ROR1: variants seen among roughly 807,000 people sequenced by gnomAD.
The protein encoded by ROR1 is ROR family WNT receptor 1.
In ROR1, 19 loss-of-function variants were observed where a neutral mutation model predicts 78.8. That is an observed-to-expected ratio of 0.24 (90% CI 0.17 to 0.35). The LOEUF (loss-of-function observed/expected upper bound fraction) is 0.35. ROR1 is among the 10% of genes least tolerant of loss of function. The pLI is 1.00. For synonymous variants in ROR1, 386 were observed against 433.6 expected (o/e 0.89, Z 1.36); for missense variants, 917 against 1,177.8 (o/e 0.78, Z 3.24).
intron 1 of ROR1, among the ~76,000 whole-genome samples, chr1:63,857,189 A>G (rs1027992016): frequency 6.6e-6 from 1 of 151,312 alleles, no homozygotes; most frequent in Non-Finnish European, 1.5e-5. Flanking sequence ...ATGAGATTAG[A>G]TATGCATCTT....
chr1:63,853,959 T>A (rs1398733570), intron 1 of ROR1, among the ~76,000 whole-genome samples: 2 of 152,130 alleles, frequency 1.3e-5, no homozygotes, highest in African/African-American at 4.8e-5. Flanking sequence ...ACTAGGATGA[T>A]GGGAATTTTA....
intron 1 of ROR1, among the ~76,000 whole-genome samples, chr1:63,806,219 A>G (rs1228628787): frequency 6.6e-6 from 1 of 151,990 alleles, no homozygotes. Context: ...CTTGTTACAT[A>G]GCCTGGTCAA....
chr1:64,114,203 C>G (rs994495982), intron 4 of ROR1, among the ~76,000 whole-genome samples: 15 of 152,128 alleles, frequency 9.9e-5, no homozygotes, highest in Non-Finnish European at 1.8e-4. Flanking sequence ...AATTGCTGCC[C>G]TCTTAGAGCT....
chr1:63,843,525 ATCT>A (rs1405653145), intron 1 of ROR1: 1 of 754,172 alleles, frequency 1.3e-6, no homozygotes, highest in Non-Finnish European at 2.4e-6. Context: ...GCCCACCAGG[ATCT>A]TCTTGGTCTC....
intron 1 of ROR1, among the ~76,000 whole-genome samples, chr1:63,785,696 T>C (rs1644680237): frequency 6.6e-6 from 1 of 151,428 alleles, no homozygotes; most frequent in African/African-American, 2.4e-5. Flanking sequence ...CGGCTAATTT[T>C]TGTATTTTTA....
intron 6 of ROR1, among the ~76,000 whole-genome samples, chr1:64,140,646 CA>C (rs933338248): frequency 2.0e-5 from 3 of 152,158 alleles, no homozygotes; most frequent in African/African-American, 7.2e-5. Context: ...GCTGGTTTCT[CA>C]ATAACTTAAA....
At chr1:63,900,748 G>A (rs1293549079) in intron 1 of ROR1, among the ~76,000 whole-genome samples, 2 of 151,766 alleles carry the variant, frequency 1.3e-5, no homozygotes, top group Admixed American at 6.6e-5. Context: ...TTTTCTATTC[G>A]TATGCATTAT....
intron 1 of ROR1, among the ~76,000 whole-genome samples, chr1:63,815,721 T>C (rs895057657): frequency 9.2e-5 from 14 of 152,102 alleles, no homozygotes; most frequent in African/African-American, 3.4e-4. Context: ...TTTCTAATTG[T>C]GTGGGTGAAT....
chr1:64,020,792 C>T lies in ROR1; in HGVS notation c.163+11416C>T, dbSNP rs377234782. The stretch of plus-strand genomic sequence containing the variant: ...AGGCAGTAAAGAATTCAGCAGACGG[C>T]GAGCTCTGCAACCCGTTGCAGACAT... On this transcript the variant is annotated intron_variant, in intron 2 of 8. Transcript: ENST00000371079. 2.6e-4 allele frequency among the ~76,000 whole-genome samples: 39 copies of T among 152,216 alleles called. 2 individuals are homozygous for T. Among genetic ancestry groups the T allele is most frequent in the Admixed American group, 1.2e-3 (18 of 15,274 alleles).
chr1:64,155,220 G>A (rs1285691648), intron 7 of ROR1, among the ~76,000 whole-genome samples: 1 of 152,124 alleles, frequency 6.6e-6, no homozygotes, highest in Non-Finnish European at 1.5e-5. Flanking sequence ...ACAAATGCTC[G>A]GACTTCAAAA....
At chr1:64,086,401 C>T (rs892879410) in intron 4 of ROR1, among the ~76,000 whole-genome samples, 1 of 152,156 alleles carries the variant, frequency 6.6e-6, no homozygotes, top group Non-Finnish European at 1.5e-5. Flanking sequence ...AGTTATTGGC[C>T]ATGCACTAAG....
chr1:63,894,065 T>C (rs1645421061), intron 1 of ROR1, among the ~76,000 whole-genome samples: 1 of 152,130 alleles, frequency 6.6e-6, no homozygotes, highest in African/African-American at 2.4e-5. Context: ...GGACTCTTAG[T>C]AAGTAAAATT....
chr1:63,774,379 C>A lies in ROR1; in HGVS notation c.-39C>A. ...AGCCCGTGGATGTTCTGCGCGCGGC[C>A]TGGGAGCCGCCGCCGCCGCCGCCTC... is the stretch of plus-strand genomic sequence containing the variant. On this transcript the variant is annotated 5_prime_UTR_variant, in exon 1 of 9. In the 5' UTR this introduces an upstream ATG that the reference lacks. Coordinates refer to ENST00000371079, the MANE Select transcript of ROR1 (RefSeq NM_005012.4). The surrounding 1 kb of genome is among the most constrained non-coding windows in gnomAD (Gnocchi z 5.7). 2 of 1,230,430 alleles carry A rather than the reference C, an allele frequency of 1.6e-6. No homozygotes were observed. Among genetic ancestry groups the A allele is most frequent in the South Asian group, 1.9e-5 (1 of 51,718 alleles). 76.2% of individuals were successfully genotyped at this position (1,230,430 alleles called of 1,614,324 possible).
chr1:64,063,992 C>T (rs550229811), intron 4 of ROR1, among the ~76,000 whole-genome samples: 9 of 152,184 alleles, frequency 5.9e-5, no homozygotes, highest in African/African-American at 2.2e-4. Context: ...ATTGTAGACA[C>T]CAAAGGAGTT....
chr1:63,968,169 T>A (rs1003873739), intron 1 of ROR1, among the ~76,000 whole-genome samples: 4 of 152,322 alleles, frequency 2.6e-5, no homozygotes, highest in Non-Finnish European at 4.4e-5. Context: ...TTTAGGAATA[T>A]GTTCTAGCGA....
rs1484670633 is a variant in ROR1 at position 64,178,205 on chromosome 1, T to C, written c.2164T>C (p.Tyr722His). Residue 722 changes from tyrosine (Y) to histidine (H), a missense_variant, in exon 9 of 9, where the codon TAC becomes CAC. Physicochemically the swap from Tyr to His is moderately conservative, Grantham distance 83. This residue lies in a region of ROR1 where 835 missense variants were observed against 1,069.8 expected (regional missense o/e 0.78). Transcript: ENST00000371079. The surrounding 1 kb of genome is among the most constrained non-coding windows in gnomAD (Gnocchi z 4.3). The stretch of plus-strand genomic sequence containing the variant: ...CTCTGAAGACTGCCCACCCAGAATG[T>C]ACAGCCTCATGACAGAGTGCTGGAA... ...PCSEDCPPRM[Y>H]SLMTECWNEI... is the part of the protein sequence containing the mutation. 6.2e-7 allele frequency: 1 copy of C among 1,613,992 alleles called. No individual in the cohort carries two copies. The highest frequency in any genetic ancestry group is 1.3e-5 in the African/African-American group (1 of 74,898).
intron 1 of ROR1, among the ~76,000 whole-genome samples, chr1:63,949,767 G>T (rs928370261): frequency 1.3e-5 from 2 of 152,078 alleles, no homozygotes; most frequent in South Asian, 4.2e-4. Context: ...CTCAAAGGGG[G>T]TAGCCCGGGA....
intron 6 of ROR1, 152 bp from the exon 7 acceptor site, chr1:64,142,253 G>A: frequency 7.8e-7 from 1 of 1,283,950 alleles, no homozygotes; most frequent in Non-Finnish European, 1.0e-6. Flanking sequence ...CAGCAAAGCA[G>A]GGAGACTGTC....
rs142437456 is a variant in ROR1, at chr1:63,790,584, A to G, written c.91+16076A>G. 7.9e-5 allele frequency among the ~76,000 whole-genome samples: 12 copies of G among 152,330 alleles called. No homozygotes were observed. In the East Asian group the frequency reaches 2.3e-3, roughly 29 times the overall value. On this transcript the variant is annotated intron_variant, in intron 1 of 8. Coordinates refer to ENST00000371079, the MANE Select transcript of ROR1 (RefSeq NM_005012.4). ...TGGCAACCAATTCAGATTCTCCCTT[A>G]CAATCCTCCTCTTTCTCCTTTTTCG...
Sources: allele counts gnomAD v4.1 joint callset (sites outside exome capture counted in the v4.1 genomes callset), GRCh38; gene constraint gnomAD v4.1.1; regional missense constraint gnomAD v4.1.1; non-coding constraint Gnocchi (gnomAD v3.1); transcripts MANE v1.5; gene names NCBI Gene and HGNC (gene_info 2026-07-23, HGNC 2026-07-21).